DOCK8: variants seen among roughly 807,000 people sequenced by gnomAD.
DOCK8 encodes the protein dedicator of cytokinesis 8.
DOCK8 carries 141 observed loss-of-function variants against 245.6 expected under a neutral mutation model. The observed-to-expected ratio is 0.57, with a 90% CI of 0.50 to 0.66. The LOEUF is 0.66. Ranked by LOEUF, DOCK8 falls within the 30% of genes least tolerant of loss-of-function variation. The pLI, the probability that DOCK8 is intolerant of heterozygous loss-of-function variation, is 0.00. For missense variants in DOCK8, 2,965 were observed against 2,603.4 expected (o/e 1.14, Z -3.02); for synonymous variants, 1,168 against 970.2 (o/e 1.20, Z -3.79).
At position 428,391 on chromosome 9, in the gene DOCK8, C is replaced by T. The variant is rs778131648; in HGVS notation, c.4368C>T (p.Ser1456=). Residue 1456 remains serine, a synonymous_variant, in exon 35 of 48, where the codon AGC becomes AGT. Coordinates refer to ENST00000432829, the MANE Select transcript of DOCK8 (RefSeq NM_203447.4). The part of the protein sequence containing the change: ...QASSALDCKD[S]LLGGVLRVLV... ...GCTCGGCTCTGGACTGTAAAGACAG[C>T]CTGCTGGGAGGTGTTCTGAGGGTGC... The T allele has an allele frequency of 6.8e-6, 11 of 1,614,070 alleles. No individual in the cohort carries two copies. The Admixed American group carries it at 1.8e-4, about 27-fold the overall frequency.
intron 18 of DOCK8, 41 bp downstream of exon 18, chr9:372,327 G>A: frequency 1.3e-6 from 2 of 1,526,578 alleles, no homozygotes; most frequent in Non-Finnish European, 1.8e-6. Flanking sequence ...TTGTCCAGCT[G>A]TAGTCTTGGA....
intron 42 of DOCK8, among the ~76,000 whole-genome samples, chr9:443,060 T>A (rs992532022): frequency 1.3e-5 from 2 of 152,174 alleles, no homozygotes; most frequent in African/African-American, 4.8e-5. Flanking sequence ...GAGGTATATA[T>A]TTTATCTTCT....
At chr9:270,029 A>G (rs1219118451) in intron 1 of DOCK8, among the ~76,000 whole-genome samples, 1 of 152,198 alleles carries the variant, frequency 6.6e-6, no homozygotes, top group Admixed American at 6.5e-5. Context: ...ACATCCTTGC[A>G]AACACTTGTT....
intron 14 of DOCK8, chr9:365,622 T>C (rs1440668628): frequency 2.2e-6 from 1 of 456,316 alleles, no homozygotes; most frequent in Non-Finnish European, 4.4e-6. Flanking sequence ...TGTTGCTCAT[T>C]AATGCTCACC....
chr9:330,785 G>C (rs562051613), intron 9 of DOCK8, among the ~76,000 whole-genome samples: 20 of 152,278 alleles, frequency 1.3e-4, no homozygotes, highest in African/African-American at 4.6e-4. Flanking sequence ...ATGGTTATGA[G>C]GAGTCATGCA....
At chr9:387,108 A>G (rs1470896284) in intron 23 of DOCK8, among the ~76,000 whole-genome samples, 1 of 152,168 alleles carries the variant, frequency 6.6e-6, no homozygotes, top group African/African-American at 2.4e-5. Flanking sequence ...TCACCATTAT[A>G]GTAGCTACTT....
At chr9:328,201 C>A (rs777516170) in intron 9 of DOCK8, 30 bp downstream of exon 9, 1 of 1,600,652 alleles carries the variant, frequency 6.2e-7, no homozygotes, top group Non-Finnish European at 8.5e-7. Context: ...TTTGCCCAAT[C>A]TGATGTTTTC....
chr9:353,602 T>C (rs7859522), intron 14 of DOCK8, among the ~76,000 whole-genome samples: 116,321 of 152,004 alleles, frequency 0.77, 45,732 homozygotes, highest in South Asian at 0.88. Flanking sequence ...AAAATGTGCT[T>C]TCTCTGTCTG....
chr9:336,808 A>C, intron 12 of DOCK8, 90 bp downstream of exon 12: 1 of 1,489,650 alleles, frequency 6.7e-7, no homozygotes, highest in South Asian at 1.1e-5. Flanking sequence ...AGTGATTAAG[A>C]GAGCAAATTA....
chr9:393,938 C>T (rs7042777), intron 24 of DOCK8, among the ~76,000 whole-genome samples: 6,581 of 152,234 alleles, frequency 0.043, 473 homozygotes, highest in African/African-American at 0.15. Context: ...CTGGCAGAAG[C>T]CTTTCTCTAT....
chr9:226,819 G>T (rs913558944), intron 1 of DOCK8, among the ~76,000 whole-genome samples: 2 of 152,130 alleles, frequency 1.3e-5, no homozygotes, highest in Admixed American at 6.5e-5. Flanking sequence ...CTGAAACTCA[G>T]GGGAGAAGTC....
Position 376,273 on chromosome 9 carries a change from G to A in DOCK8, c.2173G>A (p.Glu725Lys), listed in dbSNP as rs756762635. Reference sequence around the variant, plus strand: ...AGGACATAAGGGAGTATTTAATATTGAAGTGCAAGCTGTTTCTTCTGTACA... The same window carrying A: ...AGGACATAAGGGAGTATTTAATATTAAAGTGCAAGCTGTTTCTTCTGTACA... ...AEGHKGVFNIEVQAVSSVHTQ... is the reference protein window; with the variant it reads ...AEGHKGVFNIKVQAVSSVHTQ... The change falls in exon 19 of 48, where the codon GAA becomes AAA. Residue 725 changes from glutamate to lysine, a missense_variant. Transcript: ENST00000432829. The A allele has an allele frequency of 2.4e-5, 38 of 1,613,222 alleles. No homozygotes were observed. Among genetic ancestry groups the A allele is most frequent in the Non-Finnish European group, 3.1e-5 (37 of 1,179,450 alleles).
At chr9:309,888 A>T (rs931296539) in intron 5 of DOCK8, among the ~76,000 whole-genome samples, 1 of 152,208 alleles carries the variant, frequency 6.6e-6, no homozygotes, top group African/African-American at 2.4e-5. Flanking sequence ...TTCCCAGTGC[A>T]GTCTCCTATC....
At chr9:357,513 T>G (rs2052501262) in intron 14 of DOCK8, among the ~76,000 whole-genome samples, 1 of 152,250 alleles carries the variant, frequency 6.6e-6, no homozygotes, top group Non-Finnish European at 1.5e-5. Flanking sequence ...TTCAGTGGAT[T>G]TTTTTAACAT....
intron 2 of DOCK8, among the ~76,000 whole-genome samples, chr9:278,265 ATTG>A (rs1216345155): frequency 2.0e-5 from 3 of 152,244 alleles, no homozygotes; most frequent in African/African-American, 4.8e-5. Flanking sequence ...TCAGTGCTAG[ATTG>A]TTGTTGTTGG....
At chr9:434,638 G>A (rs889711905) in intron 38 of DOCK8, 145 bp from the exon 39 acceptor site, 107 of 795,828 alleles carry the variant, frequency 1.3e-4, no homozygotes, top group Admixed American at 5.8e-4. Context: ...CTTCTGTCTC[G>A]TTTTCTGGAA....
At chr9:406,295 C>A (rs1254968303) in intron 27 of DOCK8, among the ~76,000 whole-genome samples, 1 of 151,970 alleles carries the variant, frequency 6.6e-6, no homozygotes, top group Non-Finnish European at 1.5e-5. Context: ...GAGTTACCAG[C>A]CTGACCAACA....
At chr9:303,814 AAAGAT>A (rs1160867371) in intron 4 of DOCK8, among the ~76,000 whole-genome samples, 4 of 152,220 alleles carry the variant, frequency 2.6e-5, no homozygotes, top group African/African-American at 9.6e-5. Flanking sequence ...GAAAAAAATA[AAAGAT>A]AAGATATCCC....
chr9:404,484 A>G (rs2055320556), intron 26 of DOCK8, among the ~76,000 whole-genome samples: 1 of 152,176 alleles, frequency 6.6e-6, no homozygotes, highest in African/African-American at 2.4e-5. Context: ...ACTACGAGAG[A>G]ACACTTGTAG....
Sources: allele counts gnomAD v4.1 joint callset (sites outside exome capture counted in the v4.1 genomes callset), GRCh38; gene constraint gnomAD v4.1.1; transcripts MANE v1.5; gene names NCBI Gene and HGNC (gene_info 2026-07-23, HGNC 2026-07-21).